The following MCM10 variants were observed in gnomAD, a reference collection of about 807,000 sequenced individuals.
The protein encoded by MCM10 is minichromosome maintenance 10 replication initiation factor, also known as protein MCM10 homolog.
In MCM10, 91 loss-of-function variants were observed where a neutral mutation model predicts 109.9. The observed-to-expected ratio is 0.83, with a 90% CI of 0.70 to 0.99. MCM10 has a LOEUF of 0.99. MCM10 is among the 50% of genes least tolerant of loss of function. MCM10 has a pLI of 0.00. For synonymous variants in MCM10, 380 were observed against 387.2 expected, an observed-to-expected ratio of 0.98 and a Z score of 0.22; for missense variants, 1,077 against 1,061.2, an observed-to-expected ratio of 1.01 and a Z score of -0.21.
intron 8 of MCM10, 68 bp downstream of exon 8, chr10:13,183,168 G>C: frequency 1.3e-6 from 2 of 1,528,976 alleles, no homozygotes; most frequent in Non-Finnish European, 1.8e-6. Flanking sequence ...TATCAAAGAT[G>C]TTTGATGCAG....
At chr10:13,191,421 A>G in intron 11 of MCM10, 22 bp downstream of exon 11, 1 of 1,593,228 alleles carries the variant, frequency 6.3e-7, no homozygotes, top group Non-Finnish European at 8.6e-7. Context: ...TTTCCATAAG[A>G]AATTTCTTTC....
intron 14 of MCM10, among the ~76,000 whole-genome samples, chr10:13,196,330 A>G (rs1438071538): frequency 6.6e-6 from 1 of 152,134 alleles, no homozygotes; most frequent in Non-Finnish European, 1.5e-5. Flanking sequence ...GAGTGCCCCA[A>G]TCGAGCCTCT....
At position 13,186,239 on chromosome 10, in the gene MCM10, A is replaced by G. The variant is rs917734763; in HGVS notation, c.1174A>G (p.Lys392Glu). Residue 392 changes from lysine to glutamate, a missense_variant, in exon 9 of 20, where the codon AAG becomes GAG. Coordinates refer to ENST00000378714, the MANE Select transcript of MCM10 (RefSeq NM_018518.5). ...TCTTGACCTGGGAACCTGTAAAGCCAAGAAGAAGAATGGAGAGCCGTGCAC... is the reference window on the plus strand; with the variant it reads ...TCTTGACCTGGGAACCTGTAAAGCCGAGAAGAAGAATGGAGAGCCGTGCAC... ...EALDLGTCKA[K>E]KKNGEPCTQT... The G allele has an allele frequency of 6.2e-7, 1 of 1,612,456 alleles. No individual in the cohort carries two copies. Among genetic ancestry groups the G allele is most frequent in the East Asian group, 2.2e-5 (1 of 44,826 alleles).
At position 13,192,632 on chromosome 10, in the gene MCM10, TTCA is replaced by T. The variant is rs1013690530; in HGVS notation, c.1745+67_1745+69del. 4 of 1,416,742 alleles carry T rather than the reference TTCA, an allele frequency of 2.8e-6. No homozygotes were observed. In the African/African-American group the frequency reaches 5.7e-5, roughly 20 times the overall value. The allele number at this position is 1,416,742 out of a possible 1,614,324, so 87.8% of individuals were successfully genotyped here. ...CCATCTCAGGCGTCCTCAGAACGTC[TTCA>T]TCGATTTCCAGAATGTGACTTCAGG... On this transcript the variant is annotated intron_variant, in intron 13 of 19. Coordinates refer to ENST00000378714, the MANE Select transcript of MCM10 (RefSeq NM_018518.5).
chr10:13,161,690 A>T (rs1324765939), intron 1 of MCM10, 84 bp downstream of exon 1: 4 of 152,300 alleles, frequency 2.6e-5, no homozygotes, highest in African/African-American at 9.7e-5. Context: ...GCGGGTTGCA[A>T]GGGGTCCGAG....
At chr10:13,183,130 T>C in intron 8 of MCM10, 30 bp downstream of exon 8, 3 of 1,603,266 alleles carry the variant, frequency 1.9e-6, no homozygotes, top group Non-Finnish European at 2.6e-6. Flanking sequence ...ATTTGATTGA[T>C]GATTGTCTTT....
chr10:13,182,327 T>A lies in MCM10; in HGVS notation c.931-606T>A, dbSNP rs1002725667. On this transcript the variant is annotated intron_variant, in intron 7 of 19. Coordinates refer to ENST00000378714, the MANE Select transcript of MCM10 (RefSeq NM_018518.5). This position sits in a 1 kb window ranked among gnomAD's most constrained non-coding sequence, Gnocchi z 4.2. ...CATCTCTATGAAAAGAAAAAAAAAA[T>A]TAGCTGGGGCTGGTAGCACATGCCT... 6.6e-6 allele frequency among the ~76,000 whole-genome samples: 1 copy of A among 151,658 alleles called. No homozygotes were observed. Among genetic ancestry groups the A allele is most frequent in the Non-Finnish European group, 1.5e-5 (1 of 67,918 alleles).
intron 10 of MCM10, 97 bp from the exon 11 acceptor site, chr10:13,191,202 G>C (rs537654425): frequency 5.1e-6 from 4 of 786,812 alleles, no homozygotes; most frequent in East Asian, 5.0e-5. Flanking sequence ...AAACTTTGAC[G>C]GTGTGTGTAA....
At chr10:13,175,742 T>C in intron 6 of MCM10, 61 bp downstream of exon 6, 1 of 1,215,404 alleles carries the variant, frequency 8.2e-7, no homozygotes. Flanking sequence ...CCTCTCGGAG[T>C]CCTTTAGAAG....
chr10:13,199,275 G>T (rs1834464538), intron 16 of MCM10, among the ~76,000 whole-genome samples: 1 of 152,200 alleles, frequency 6.6e-6, no homozygotes, highest in Non-Finnish European at 1.5e-5. Flanking sequence ...AAGAACAGGA[G>T]AATTTCTAAT....
At chr10:13,202,842 GTATT>G (rs1053130435) in intron 17 of MCM10, among the ~76,000 whole-genome samples, 4 of 151,962 alleles carry the variant, frequency 2.6e-5, no homozygotes, top group Non-Finnish European at 5.9e-5. Context: ...ATTTTATTAT[GTATT>G]TATTTATTTA....
intron 16 of MCM10, among the ~76,000 whole-genome samples, chr10:13,200,651 C>T (rs1834485793): frequency 6.6e-6 from 1 of 152,202 alleles, no homozygotes; most frequent in East Asian, 1.9e-4. Context: ...TCGCTGCACC[C>T]ACATTCTGCC....
At chr10:13,205,002 GTATATA>G (rs576376587) in intron 18 of MCM10, among the ~76,000 whole-genome samples, 84 of 6,610 alleles carry the variant, frequency 0.013, no homozygotes, top group African/African-American at 0.025. Context: ...ATGTATGTAT[GTATATA>G]TATATATATA....
chr10:13,198,786 A>G lies in MCM10; in HGVS notation c.2217A>G (p.Lys739=). Residue 739 remains lysine (K), a synonymous_variant, in exon 16 of 20, where the codon AAA becomes AAG. Transcript: ENST00000378714. ...EFQKILKAKS[K]HTGILKEAEA... ...AGAAAATCCTAAAAGCAAAATCAAAACACACAGGCATCCTGAAAGAGGTAA... is the reference window on the plus strand; with the variant it reads ...AGAAAATCCTAAAAGCAAAATCAAAGCACACAGGCATCCTGAAAGAGGTAA... The G allele has an allele frequency of 6.2e-7, 1 of 1,612,562 alleles. No individual in the cohort carries two copies. Among genetic ancestry groups the G allele is most frequent in the East Asian group, 2.2e-5 (1 of 44,886 alleles).
chr10:13,209,045 T>G (rs1229671042), intron 18 of MCM10, 46 bp from the exon 19 acceptor site: 2 of 1,426,706 alleles, frequency 1.4e-6, no homozygotes, highest in Non-Finnish European at 2.0e-6. Flanking sequence ...TTTACATGAG[T>G]GGGCCTACAC....
At chr10:13,161,859 C>T (rs1833931173) in intron 1 of MCM10, among the ~76,000 whole-genome samples, 1 of 152,086 alleles carries the variant, frequency 6.6e-6, no homozygotes, top group Non-Finnish European at 1.5e-5. Flanking sequence ...CTTTTAAGTG[C>T]TTGCCAAGTG....
intron 10 of MCM10, among the ~76,000 whole-genome samples, chr10:13,190,734 T>A (rs1834336598): frequency 6.6e-6 from 1 of 151,976 alleles, no homozygotes. Context: ...TACTCCTAGG[T>A]GTTGTGTTTC....
Position 13,192,460 on chromosome 10 carries a change from G to A in MCM10, c.1637G>A (p.Gly546Glu). The A allele has an allele frequency of 1.9e-6, 3 of 1,614,138 alleles. No individual in the cohort carries two copies. Among genetic ancestry groups the A allele is most frequent in the Non-Finnish European group, 2.5e-6 (3 of 1,180,038 alleles). Reference protein sequence around the residue: ...LAKATASGIMGSPKPAIKSIS... With the variant: ...LAKATASGIMESPKPAIKSIS... ...TGGGCTTCTGTTTCAGGGATTATGG[G>A]GAGCCCAAAACCAGCCATCAAGTCC... is the stretch of plus-strand genomic sequence containing the variant. Residue 546 changes from glycine (G) to glutamate (E), a missense_variant, in exon 13 of 20, where the codon GGG (glycine) becomes GAG (glutamate). By Grantham distance (98) the Gly-to-Glu change is moderately conservative. Transcript: ENST00000378714.
At chr10:13,201,568 G>T in intron 17 of MCM10, 34 bp downstream of exon 17, 2 of 1,487,012 alleles carry the variant, frequency 1.3e-6, no homozygotes, top group Non-Finnish European at 1.9e-6. Flanking sequence ...CAACCCATGG[G>T]CCCTGTGTGG....
Sources: gnomAD v4.1 joint callset for allele counts (sites outside exome capture counted in the v4.1 genomes callset) on GRCh38, gnomAD v4.1.1 for gene constraint, Gnocchi (gnomAD v3.1) non-coding constraint, MANE v1.5 for transcripts, NCBI Gene and HGNC (gene_info 2026-07-23, HGNC 2026-07-21) for gene names.